Variants in VPS54 observed in about 807,000 individuals in gnomAD.
VPS54 encodes the protein VPS54 subunit of GARP complex.
In VPS54, 45 loss-of-function variants were observed where a neutral mutation model predicts 121.5. That is an observed-to-expected ratio of 0.37 (90% CI 0.29 to 0.47). The LOEUF is 0.47. Among genes scored for constraint, VPS54 ranks in the 20% least tolerant of loss-of-function variants. The pLI, the probability that VPS54 is intolerant of heterozygous loss-of-function variation, is 0.99. For synonymous variants in VPS54, 371 were observed against 385.8 expected, an observed-to-expected ratio of 0.96 and a Z score of 0.45; for missense variants, 1,090 against 1,131.4, an observed-to-expected ratio of 0.96 and a Z score of 0.52.
intron 20 of VPS54, among the ~76,000 whole-genome samples, chr2:63,910,704 T>G (rs1468777696): frequency 6.6e-6 from 1 of 152,124 alleles, no homozygotes; most frequent in African/African-American, 2.4e-5. Flanking sequence ...CATGCATACA[T>G]GGGAAGTTAA....
Position 63,913,277 on chromosome 2 carries a change from C to T in VPS54, c.2368G>A (p.Gly790Arg). 2 of 1,610,226 alleles carry T rather than the reference C, an allele frequency of 1.2e-6. No homozygotes were observed. Among genetic ancestry groups the T allele is most frequent in the Non-Finnish European group, 1.7e-6 (2 of 1,178,450 alleles). Residue 790 changes from glycine to arginine, a missense_variant, in exon 18 of 23, where the codon GGA (glycine) becomes AGA (arginine). Gly to Arg is a moderately radical substitution (Grantham distance 125, BLOSUM62 -2). Coordinates refer to ENST00000272322, the MANE Select transcript of VPS54 (RefSeq NM_016516.3). ...CCAACAACTTGCAGTGCACCAGCTC[C>T]AAGAACTAACTGGCAACTTCTTGAA... is the stretch of plus-strand genomic sequence containing the variant. ...FNSRSCQLVLGAGALQVVGLK... is the reference protein window; with the variant it reads ...FNSRSCQLVLRAGALQVVGLK...
At chr2:64,007,247 GAACATAAGC>G (rs1678205137) in intron 1 of VPS54, among the ~76,000 whole-genome samples, 1 of 152,152 alleles carries the variant, frequency 6.6e-6, no homozygotes, top group East Asian at 1.9e-4. Flanking sequence ...TGGTGGCCTA[GAACATAAGC>G]AACTTTGATG....
intron 11 of VPS54, 115 bp downstream of exon 11, chr2:63,942,350 A>T: frequency 1.4e-6 from 1 of 716,754 alleles, no homozygotes; most frequent in Non-Finnish European, 2.1e-6. Flanking sequence ...TAGAAAAATT[A>T]CAAAAACAAA....
intron 4 of VPS54, 47 bp downstream of exon 4, chr2:63,972,119 A>G: frequency 7.9e-7 from 1 of 1,259,446 alleles, no homozygotes. Context: ...TTTGTTCACT[A>G]ATATTTATGC....
intron 3 of VPS54, among the ~76,000 whole-genome samples, chr2:63,977,143 A>T (rs1676576960): frequency 6.6e-6 from 1 of 151,830 alleles, no homozygotes; most frequent in Non-Finnish European, 1.5e-5. Context: ...CTTTTTTCTT[A>T]ATCTAGCTAA....
chr2:63,923,271 G>A (rs937912391), intron 12 of VPS54, among the ~76,000 whole-genome samples: 9 of 151,010 alleles, frequency 6.0e-5, no homozygotes, highest in African/African-American at 1.5e-4. Context: ...AGCCGAGATC[G>A]CACCACTGCA....
chr2:63,926,032 G>C (rs1673885404), intron 12 of VPS54, among the ~76,000 whole-genome samples: 1 of 152,210 alleles, frequency 6.6e-6, no homozygotes, highest in African/African-American at 2.4e-5. Flanking sequence ...ACTTGAAGAT[G>C]GAAGGTGGGC....
intron 1 of VPS54, among the ~76,000 whole-genome samples, chr2:64,001,246 C>G (rs1460941377): frequency 6.6e-6 from 1 of 152,168 alleles, no homozygotes; most frequent in Non-Finnish European, 1.5e-5. Flanking sequence ...TGAAGGCTGC[C>G]AGGCCTGGGA....
intron 1 of VPS54, among the ~76,000 whole-genome samples, chr2:63,999,414 T>C (rs549154536): frequency 1.3e-5 from 2 of 152,370 alleles, no homozygotes; most frequent in Non-Finnish European, 2.9e-5. Context: ...AAACATGTCA[T>C]GCCACTCTCT....
In VPS54 at chr2:63,981,762, C is replaced by A; in HGVS notation, c.262G>T (p.Asp88Tyr). 2 of 1,613,694 alleles carry A rather than the reference C, an allele frequency of 1.2e-6. No individual in the cohort carries two copies. The highest frequency in any genetic ancestry group is 2.2e-5 in the South Asian group (2 of 91,044). The change falls in exon 3 of 23, where the codon GAC becomes TAC. Residue 88 changes from aspartate (D) to tyrosine (Y), a missense_variant. Physicochemically the swap from Asp to Tyr is radical, Grantham distance 160. Around this residue, in one of 2 missense-constraint regions of VPS54, gnomAD observed 801 missense variants for 757.0 expected, o/e 1.06. Transcript: ENST00000272322. Reference sequence around the variant, plus strand: ...AATCCCCATGTTTTTGTGAAGAAGTCAGATTCTCTTTTTGCTAATCTAGGA... The same window carrying A: ...AATCCCCATGTTTTTGTGAAGAAGTAAGATTCTCTTTTTGCTAATCTAGGA... ...NDPRLAKRESDFFTKTWGLDF... is the reference protein window; with the variant it reads ...NDPRLAKRESYFFTKTWGLDF...
chr2:64,018,736 A>G, intron 1 of VPS54, among the ~76,000 whole-genome samples: 3 of 115,192 alleles, frequency 2.6e-5, no homozygotes, highest in South Asian at 3.0e-4. Context: ...TCCCGGAGGG[A>G]GAGTGAAAAG....
In VPS54 at chr2:63,937,950, C is replaced by T. The variant is rs151044676; in HGVS notation, c.1399-3937G>A. On this transcript the variant is annotated intron_variant, in intron 11 of 22. Transcript: ENST00000272322. ...CCACTTATATGAAATACCTAATAAT[C>T]GGTGCACAGCATGAGTGCTCTATGA... Among the ~76,000 whole-genome samples the T allele has an allele frequency of 3.6e-4, 55 of 151,996 alleles. No homozygotes were observed. The South Asian group carries it at 9.8e-3, about 27-fold the overall frequency.
intron 1 of VPS54, among the ~76,000 whole-genome samples, chr2:63,988,882 G>T (rs59156176): frequency 6.6e-6 from 1 of 152,114 alleles, no homozygotes; most frequent in Non-Finnish European, 1.5e-5. Flanking sequence ...CTGGAAGCCA[G>T]GCAGGACAGA....
At position 63,942,607 on chromosome 2, in the gene VPS54, A is replaced by G. The variant is rs115385198; in HGVS notation, c.1302-46T>C. The G allele has an allele frequency of 9.4e-4, 1,369 of 1,451,846 alleles. 10 individuals are homozygous for G. The African/African-American group carries it at 0.015, about 16-fold the overall frequency. The allele number at this position is 1,451,846 out of a possible 1,614,324, so 89.9% of individuals were successfully genotyped here. A position where few individuals can be genotyped will look rare whatever the true frequency, so the allele number is the denominator to read the frequency against. ...CAAAAATAATGATTGTCTCTGGGCCAATCAATATAACATCTACAAACTGGA... is the reference window on the plus strand; with the variant it reads ...CAAAAATAATGATTGTCTCTGGGCCGATCAATATAACATCTACAAACTGGA... On this transcript the variant is annotated intron_variant, in intron 10 of 22. Coordinates refer to ENST00000272322, the MANE Select transcript of VPS54 (RefSeq NM_016516.3).
intron 20 of VPS54, 103 bp from the exon 21 acceptor site, chr2:63,899,684 T>G (rs971506024): frequency 3.3e-5 from 30 of 906,856 alleles, no homozygotes; most frequent in Middle Eastern, 2.2e-4. Flanking sequence ...ACATATCCAA[T>G]TCTGGCATAG....
At chr2:63,940,983 T>C (rs576823089) in intron 11 of VPS54, among the ~76,000 whole-genome samples, 41 of 152,322 alleles carry the variant, frequency 2.7e-4, no homozygotes, top group African/African-American at 5.8e-4. Context: ...GTGAACCTGA[T>C]TGGAGAGCTT....
At chr2:63,980,696 A>T (rs1676765234) in intron 3 of VPS54, among the ~76,000 whole-genome samples, 2 of 152,132 alleles carry the variant, frequency 1.3e-5, no homozygotes, top group South Asian at 4.1e-4. Flanking sequence ...CCTCATGTTT[A>T]GAAGACTACC....
At chr2:64,004,855 T>C (rs1278783065) in intron 1 of VPS54, among the ~76,000 whole-genome samples, 1 of 152,154 alleles carries the variant, frequency 6.6e-6, no homozygotes, top group Non-Finnish European at 1.5e-5. Context: ...CACAGCTCAC[T>C]GCAATCTCAA....
chr2:63,902,354 T>C (rs1672716134), intron 20 of VPS54, among the ~76,000 whole-genome samples: 2 of 152,122 alleles, frequency 1.3e-5, no homozygotes, highest in African/African-American at 4.8e-5. Context: ...AGCAGCCTAC[T>C]ACTGAAGGAG....
Sources: allele counts gnomAD v4.1 joint callset (sites outside exome capture counted in the v4.1 genomes callset), GRCh38; gene constraint gnomAD v4.1.1; regional missense constraint gnomAD v4.1.1; transcripts MANE v1.5; gene names NCBI Gene and HGNC (gene_info 2026-07-23, HGNC 2026-07-21).